The following GPAT4 variants were observed in gnomAD, a reference collection of about 807,000 sequenced individuals.
GPAT4 encodes 1-AGP acyltransferase 6.
In GPAT4, 17 loss-of-function variants were observed where a neutral mutation model predicts 58.0. The observed-to-expected ratio is 0.29, with a 90% CI of 0.20 to 0.44. The LOEUF is 0.44. Ranked by LOEUF, GPAT4 falls within the 20% of genes least tolerant of loss-of-function variation. The probability of loss-of-function intolerance (pLI) is 1.00; values close to 1 mark genes in which losing one functional copy is unlikely to be tolerated. For synonymous variants in GPAT4, 204 were observed against 210.1 expected (o/e 0.97, Z 0.25); for missense variants, 377 against 574.5 (o/e 0.66, Z 3.51).
chr8:41,595,862 T>A (rs1027103153), intron 1 of GPAT4, among the ~76,000 whole-genome samples: 3 of 152,050 alleles, frequency 2.0e-5, no homozygotes, highest in African/African-American at 7.3e-5. Flanking sequence ...TCTCTGCTGG[T>A]CTTTCCTTGC....
intron 2 of GPAT4, among the ~76,000 whole-genome samples, chr8:41,602,208 G>A (rs1803123215): frequency 6.6e-6 from 1 of 152,212 alleles, no homozygotes; most frequent in Non-Finnish European, 1.5e-5. Context: ...ATCCGACTCA[G>A]TCTTCCAAAG....
intron 8 of GPAT4, among the ~76,000 whole-genome samples, chr8:41,613,595 A>C (rs1803506770): frequency 6.6e-6 from 1 of 152,188 alleles, no homozygotes; most frequent in Non-Finnish European, 1.5e-5. Context: ...AAGAAGGTGA[A>C]TCTGCTGTAA....
chr8:41,594,804 C>A (rs1039863577), intron 1 of GPAT4, among the ~76,000 whole-genome samples: 1 of 152,132 alleles, frequency 6.6e-6, no homozygotes, highest in Non-Finnish European at 1.5e-5. Flanking sequence ...CTCGGCCTCC[C>A]AAAGTGCTGA....
rs1803741756 is a variant in GPAT4 at position 41,621,229 on chromosome 8, CG to C, written c.*229del. On this transcript the variant is annotated 3_prime_UTR_variant, in exon 13 of 13. Coordinates refer to ENST00000396987, the MANE Select transcript of GPAT4 (RefSeq NM_178819.4). ...TGCTGCTGGGTGTTGCGACCCAGGACGAGATGCCTTGTTTCTTTTACAATAA... is the reference window on the plus strand; with the variant it reads ...TGCTGCTGGGTGTTGCGACCCAGGACAGATGCCTTGTTTCTTTTACAATAA... The C allele has an allele frequency of 6.9e-6, 4 of 578,998 alleles. No homozygotes were observed. The Admixed American group carries it at 1.2e-4, about 18-fold the overall frequency. 35.9% of individuals were successfully genotyped at this position (578,998 alleles called of 1,614,324 possible). A position where few individuals can be genotyped will look rare whatever the true frequency, so the allele number is the denominator to read the frequency against.
chr8:41,620,866 T>A, intron 12 of GPAT4, 27 bp from the exon 13 acceptor site: 4 of 1,549,878 alleles, frequency 2.6e-6, no homozygotes, highest in Non-Finnish European at 3.5e-6. Flanking sequence ...TCTTGGCTGT[T>A]ACTACATCCA....
chr8:41,618,386 A>G, intron 10 of GPAT4: 2 of 408,138 alleles, frequency 4.9e-6, no homozygotes, highest in Non-Finnish European at 9.1e-6. Flanking sequence ...AAAACTTTAT[A>G]TACCTATGAG....
intron 1 of GPAT4, among the ~76,000 whole-genome samples, chr8:41,590,775 A>G (rs1253200489): frequency 1.3e-5 from 2 of 152,294 alleles, no homozygotes; most frequent in East Asian, 1.9e-4. Context: ...AGACTAGAGC[A>G]TTTTGTCTTC....
chr8:41,595,912 TGGCGG>T (rs1327247796), intron 1 of GPAT4, among the ~76,000 whole-genome samples: 2 of 150,908 alleles, frequency 1.3e-5, no homozygotes, highest in Middle Eastern at 3.4e-3. Flanking sequence ...TCAACCACTG[TGGCGG>T]GGCAGGGGTG....
chr8:41,607,538 CTCTT>C (rs1803314746), intron 2 of GPAT4, among the ~76,000 whole-genome samples: 1 of 148,606 alleles, frequency 6.7e-6, no homozygotes, highest in African/African-American at 2.5e-5. Context: ...AAGTTTCTCT[CTCTT>C]TTTTTTTTTT....
intron 10 of GPAT4, among the ~76,000 whole-genome samples, chr8:41,616,413 A>T (rs1270784884): frequency 6.6e-6 from 1 of 152,200 alleles, no homozygotes. Context: ...CTTGTGTCTC[A>T]GCCTCCCAAG....
intron 1 of GPAT4, among the ~76,000 whole-genome samples, chr8:41,597,067 C>T (rs1802954986): frequency 6.6e-6 from 1 of 152,138 alleles, no homozygotes; most frequent in South Asian, 2.1e-4. Flanking sequence ...ATAGATAACA[C>T]AAAAAGTTAG....
Position 41,622,777 on chromosome 8 carries a change from A to C in GPAT4, c.*1776A>C, listed in dbSNP as rs550483732. 16 of 152,096 alleles carry C rather than the reference A, an allele frequency of 1.1e-4. No homozygotes were observed. The highest frequency in any genetic ancestry group is 3.9e-4 in the African/African-American group (16 of 41,496). 9.4% of individuals were successfully genotyped at this position (152,096 alleles called of 1,614,324 possible). A position where few individuals can be genotyped will look rare whatever the true frequency, so the allele number is the denominator to read the frequency against. ...CCTGCCCTGTTGCCAGCCCGGGGGA[A>C]ATCTTTTTGCTCTCAAATGAAGACT... On this transcript the variant is annotated 3_prime_UTR_variant, in exon 13 of 13. Coordinates refer to ENST00000396987, the MANE Select transcript of GPAT4 (RefSeq NM_178819.4).
intron 7 of GPAT4, 102 bp from the exon 8 acceptor site, chr8:41,612,743 G>T: frequency 9.9e-7 from 1 of 1,010,758 alleles, no homozygotes. Context: ...CGTTAGAAGT[G>T]AGAAGTTGGA....
chr8:41,615,710 A>G (rs1427882624), intron 10 of GPAT4, among the ~76,000 whole-genome samples: 1 of 152,160 alleles, frequency 6.6e-6, no homozygotes, highest in African/African-American at 2.4e-5. Context: ...CATGACACCT[A>G]CAAAACACAG....
intron 1 of GPAT4, among the ~76,000 whole-genome samples, chr8:41,597,552 T>A (rs1175279387): frequency 6.6e-6 from 1 of 152,206 alleles, no homozygotes. Context: ...GCAATTCCAT[T>A]TCTAGGAATT....
chr8:41,579,941 A>T (rs1802467987), intron 1 of GPAT4, among the ~76,000 whole-genome samples: 1 of 152,164 alleles, frequency 6.6e-6, no homozygotes, highest in African/African-American at 2.4e-5. Context: ...AGGTCCAGAG[A>T]AGTTCAGTGA....
chr8:41,578,506 C>G (rs1802423420), intron 1 of GPAT4: 1 of 152,118 alleles, frequency 6.6e-6, no homozygotes, highest in Non-Finnish European at 1.5e-5. Flanking sequence ...GCCCCGAACC[C>G]CGGCCGCCCG....
chr8:41,600,036 C>CTTTTCTTTTTT (rs1554502474), intron 2 of GPAT4, among the ~76,000 whole-genome samples: 3 of 100,332 alleles, frequency 3.0e-5, no homozygotes, highest in South Asian at 3.4e-4. Context: ...TTTTTCTTTT[C>CTTTTCTTTTTT]TTTTTTTTTT....
At chr8:41,618,625 G>T in intron 10 of GPAT4, 59 bp from the exon 11 acceptor site, 1 of 1,599,308 alleles carries the variant, frequency 6.3e-7, no homozygotes, top group South Asian at 1.1e-5. Context: ...AGTCACTGTG[G>T]ACTCGCAAAC....
Sources: allele counts gnomAD v4.1 joint callset (sites outside exome capture counted in the v4.1 genomes callset), GRCh38; gene constraint gnomAD v4.1.1; transcripts MANE v1.5; gene names NCBI Gene and HGNC (gene_info 2026-07-23, HGNC 2026-07-21).